Variants in RNGTT observed in about 807,000 individuals in gnomAD.
RNGTT encodes mRNA-capping enzyme.
In RNGTT, 33 loss-of-function variants were observed where a neutral mutation model predicts 79.3. The ratio of observed to expected loss-of-function variants is 0.42; its 90% CI spans 0.32 to 0.56. The LOEUF is 0.56. RNGTT is among the 20% of genes least tolerant of loss of function. The pLI is 0.17. For missense variants in RNGTT, 497 were observed against 739.1 expected, an observed-to-expected ratio of 0.67 and a Z score of 3.80; for synonymous variants, 222 against 235.9, an observed-to-expected ratio of 0.94 and a Z score of 0.54.
At chr6:88,770,715 A>G (rs1188146864) in intron 12 of RNGTT, among the ~76,000 whole-genome samples, 1 of 152,192 alleles carries the variant, frequency 6.6e-6, no homozygotes, top group African/African-American at 2.4e-5. Context: ...GTCAAACTGT[A>G]ACATTTTCTA....
chr6:88,616,100 A>G (rs2127845829), intron 14 of RNGTT, among the ~76,000 whole-genome samples: 1 of 152,186 alleles, frequency 6.6e-6, no homozygotes, highest in East Asian at 1.9e-4. Context: ...AGAATCACAC[A>G]CTATTTGTCC....
chr6:88,744,112 T>C (rs1170743434), intron 13 of RNGTT, among the ~76,000 whole-genome samples: 4 of 152,188 alleles, frequency 2.6e-5, no homozygotes, highest in Non-Finnish European at 5.9e-5. Flanking sequence ...TAAATTTCAT[T>C]ATCAAACAAG....
At chr6:88,851,269 C>T (rs1316099804) in intron 9 of RNGTT, among the ~76,000 whole-genome samples, 1 of 150,400 alleles carries the variant, frequency 6.6e-6, no homozygotes, top group Non-Finnish European at 1.5e-5. Flanking sequence ...AGATACATAA[C>T]ATATATTAAA....
chr6:88,730,407 C>T (rs1294757839), intron 13 of RNGTT, among the ~76,000 whole-genome samples: 1 of 152,166 alleles, frequency 6.6e-6, no homozygotes, highest in East Asian at 1.9e-4. Context: ...CAGCAGGGGC[C>T]ACATGAGTCA....
intron 12 of RNGTT, among the ~76,000 whole-genome samples, chr6:88,775,520 T>C (rs1026704085): frequency 2.0e-5 from 3 of 152,136 alleles, no homozygotes; most frequent in Non-Finnish European, 4.4e-5. Flanking sequence ...CCCTCTGACC[T>C]GAGCTTGCTA....
Position 88,706,125 on chromosome 6 carries a change from G to A in RNGTT, c.1440-27706C>T, listed in dbSNP as rs527940141. 3.9e-5 allele frequency among the ~76,000 whole-genome samples: 6 copies of A among 152,066 alleles called. No homozygotes were observed. The South Asian group carries it at 1.2e-3, about 32-fold the overall frequency. ...ACAAAAATTGTTCTCATGACTTTAA[G>A]AAAAAATTAAGATAAGCAAATCAGC... On this transcript the variant is annotated intron_variant, in intron 13 of 15. Coordinates refer to ENST00000369485, the MANE Select transcript of RNGTT (RefSeq NM_003800.5).
chr6:88,749,379 A>G (rs1414380761), intron 13 of RNGTT, among the ~76,000 whole-genome samples: 4 of 152,188 alleles, frequency 2.6e-5, no homozygotes, highest in African/African-American at 9.6e-5. Flanking sequence ...TGTTAACTTT[A>G]GATTTAAAGA....
intron 11 of RNGTT, among the ~76,000 whole-genome samples, chr6:88,818,487 A>C (rs1780397629): frequency 6.6e-6 from 1 of 152,172 alleles, no homozygotes. Context: ...GGAGAGAAGA[A>C]TCGCTTGAAC....
chr6:88,937,332 C>T (rs1484798319), intron 2 of RNGTT, among the ~76,000 whole-genome samples: 2 of 150,740 alleles, frequency 1.3e-5, no homozygotes, highest in Non-Finnish European at 3.0e-5. Context: ...GCAACAAGAG[C>T]AAAACTCCAT....
At chr6:88,683,377 T>C (rs561749072) in intron 13 of RNGTT, among the ~76,000 whole-genome samples, 2 of 152,024 alleles carry the variant, frequency 1.3e-5, no homozygotes, top group African/African-American at 2.4e-5. Flanking sequence ...TAGAAAAATA[T>C]AATGCACTAA....
Position 88,900,228 on chromosome 6 carries a change from TTTTTA to T in RNGTT, c.684+4482_684+4486del, listed in dbSNP as rs149853003. On this transcript the variant is annotated intron_variant, in intron 6 of 15. Transcript: ENST00000369485. ...CAGGAGACCGACATATTAGTTTTAC[TTTTTA>T]TTTGACTTTTTAAAAACTGGTTTTA... Among the ~76,000 whole-genome samples, 727 of 152,218 alleles carry T rather than the reference TTTTTA, an allele frequency of 4.8e-3. 2 individuals carry two copies. The highest frequency in any genetic ancestry group is 0.017 in the African/African-American group (689 of 41,542).
At chr6:88,725,162 G>A (rs1264601321) in intron 13 of RNGTT, among the ~76,000 whole-genome samples, 2 of 152,206 alleles carry the variant, frequency 1.3e-5, no homozygotes, top group African/African-American at 2.4e-5. Flanking sequence ...TTCCCGGGGC[G>A]GTCTCTGGTT....
chr6:88,639,942 C>T (rs536551802), intron 14 of RNGTT, among the ~76,000 whole-genome samples: 2 of 152,268 alleles, frequency 1.3e-5, no homozygotes, highest in East Asian at 1.9e-4. Context: ...CCCTTCAATT[C>T]GTGGCTTAAA....
intron 13 of RNGTT, among the ~76,000 whole-genome samples, chr6:88,761,796 A>G (rs990982088): frequency 6.6e-6 from 1 of 152,128 alleles, no homozygotes; most frequent in African/African-American, 2.4e-5. Flanking sequence ...CTGGCCTTTC[A>G]TAGAAAAAAA....
At chr6:88,615,984 A>C (rs925583813) in intron 14 of RNGTT, among the ~76,000 whole-genome samples, 5 of 152,150 alleles carry the variant, frequency 3.3e-5, no homozygotes, top group African/African-American at 1.2e-4. Flanking sequence ...TATACTCCCT[A>C]AACACTAATT....
rs1018453871 is a variant in RNGTT, at chr6:88,769,144, A to G, written c.1439+630T>C. On this transcript the variant is annotated intron_variant, in intron 13 of 15. Transcript: ENST00000369485. The stretch of plus-strand genomic sequence containing the variant: ...AAAATTTTCACTTTACAATTTAACA[A>G]AGTTCTTTTCTTTGGGGGGAGGTGT... 4.0e-5 allele frequency among the ~76,000 whole-genome samples: 6 copies of G among 151,858 alleles called. No individual in the cohort carries two copies. In the East Asian group the frequency reaches 1.2e-3, roughly 29 times the overall value.
At chr6:88,872,392 G>A (rs1013759774) in intron 8 of RNGTT, among the ~76,000 whole-genome samples, 11 of 151,770 alleles carry the variant, frequency 7.2e-5, no homozygotes, top group African/African-American at 1.7e-4. Context: ...TCTGATAGAC[G>A]ACATTGAACC....
At chr6:88,962,125 A>C (rs1785649877) in intron 1 of RNGTT, among the ~76,000 whole-genome samples, 1 of 152,206 alleles carries the variant, frequency 6.6e-6, no homozygotes, top group Non-Finnish European at 1.5e-5. Flanking sequence ...ATGCAAACCA[A>C]TCTATAATTA....
At chr6:88,733,306 G>A (rs553545284) in intron 13 of RNGTT, among the ~76,000 whole-genome samples, 1 of 152,190 alleles carries the variant, frequency 6.6e-6, no homozygotes, top group Non-Finnish European at 1.5e-5. Flanking sequence ...TGAGGCTGCA[G>A]TGAACCTAAT....
Sources: allele counts gnomAD v4.1 joint callset (sites outside exome capture counted in the v4.1 genomes callset), GRCh38; gene constraint gnomAD v4.1.1; transcripts MANE v1.5; gene names NCBI Gene and HGNC (gene_info 2026-07-23, HGNC 2026-07-21).